The following ZDHHC9 variants were observed in gnomAD, a reference collection of about 807,000 sequenced individuals.
ZDHHC9 encodes the protein palmitoyltransferase ZDHHC9.
ZDHHC9 carries 3 observed loss-of-function variants against 26.6 expected under a neutral mutation model. That is an observed-to-expected ratio of 0.11 (90% CI 0.05 to 0.29). ZDHHC9 has a LOEUF of 0.29. Ranked by LOEUF, ZDHHC9 falls within the 10% of genes least tolerant of loss-of-function variation. ZDHHC9 has a pLI of 1.00. For missense variants in ZDHHC9, 146 were observed against 296.4 expected, an observed-to-expected ratio of 0.49 and a Z score of 3.73; for synonymous variants, 111 against 109.4, an observed-to-expected ratio of 1.01 and a Z score of -0.09.
intron 5 of ZDHHC9, among the ~76,000 whole-genome samples, chrX:129,821,888 C>T (rs1927896028): frequency 9.0e-6 from 1 of 110,647 alleles, no homozygotes; most frequent in Non-Finnish European, 1.9e-5. Flanking sequence ...TGCCACTGCA[C>T]TCCAGCCTGG....
At chrX:129,836,830 T>C (rs1928271829) in intron 3 of ZDHHC9, among the ~76,000 whole-genome samples, 1 of 111,858 alleles carries the variant, frequency 8.9e-6, no homozygotes, top group Admixed American at 9.5e-5. Flanking sequence ...GAGCATAAGC[T>C]TGGGAGACCC....
intron 6 of ZDHHC9, 68 bp from the exon 7 acceptor site, chrX:129,813,793 G>A: frequency 1.0e-6 from 1 of 985,054 alleles, no homozygotes; most frequent in Non-Finnish European, 1.4e-6. Context: ...CACTATCCTA[G>A]TGCCTACTCA....
rs1458539537 is a variant in ZDHHC9 at position 129,810,929 on chromosome X, A to G, written c.954T>C (p.Ser318=). ...CTGGGCTCTGTGGCAAGAGGCTGCT[A>G]CTGGTCTCTTGAGTACTGGGAGGTC... is the stretch of plus-strand genomic sequence containing the variant. ...GSRPPSTQET[S]SSLLPQSPAP... is the part of the protein sequence containing the mutation. Residue 318 remains serine, a synonymous_variant, in exon 10 of 11, where the codon AGT becomes AGC. Transcript: ENST00000357166. The G allele has an allele frequency of 5.8e-6, 7 of 1,209,158 alleles. No homozygotes were observed. In the Admixed American group the frequency reaches 1.5e-4, roughly 26 times the overall value.
At chrX:129,811,082 C>T (rs1311070789) in intron 9 of ZDHHC9, 81 bp from the exon 10 acceptor site, 9 of 866,088 alleles carry the variant, frequency 1.0e-5, no homozygotes, top group Non-Finnish European at 1.5e-5. Context: ...GCTGCATAGA[C>T]TGGAAAATAT....
At chrX:129,809,830 T>C (rs976501441) in intron 10 of ZDHHC9, among the ~76,000 whole-genome samples, 2 of 109,248 alleles carry the variant, frequency 1.8e-5, no homozygotes, top group African/African-American at 6.7e-5. Flanking sequence ...AAACCCCGTC[T>C]CTACTAAAAA....
chrX:129,828,208 A>G (rs975468138), intron 4 of ZDHHC9, among the ~76,000 whole-genome samples: 2 of 112,306 alleles, frequency 1.8e-5, no homozygotes, highest in African/African-American at 6.5e-5. Flanking sequence ...GTACATGTAC[A>G]TGCATATAAG....
chrX:129,827,861 G>A (rs1411992603), intron 4 of ZDHHC9, among the ~76,000 whole-genome samples: 2 of 111,793 alleles, frequency 1.8e-5, no homozygotes, highest in Non-Finnish European at 3.8e-5. Context: ...CTGTTGCCCA[G>A]GCTGGAGTGC....
chrX:129,820,648 T>A (rs1050590368), intron 5 of ZDHHC9, among the ~76,000 whole-genome samples: 1 of 111,674 alleles, frequency 9.0e-6, no homozygotes, highest in Non-Finnish European at 1.9e-5. Flanking sequence ...ACTAGCCAAT[T>A]ATATTGTTAT....
intron 5 of ZDHHC9, among the ~76,000 whole-genome samples, chrX:129,817,477 T>C (rs1216116449): frequency 9.0e-6 from 1 of 111,032 alleles, no homozygotes; most frequent in Non-Finnish European, 1.9e-5. Context: ...TATGGTAAAA[T>C]ATACATAACA....
At chrX:129,829,766 T>C (rs1478449067) in intron 3 of ZDHHC9, among the ~76,000 whole-genome samples, 1 of 111,486 alleles carries the variant, frequency 9.0e-6, no homozygotes, top group Non-Finnish European at 1.9e-5. Flanking sequence ...AAGAAAATCG[T>C]TTATCCTTAG....
chrX:129,805,764 A>ATCTCG lies in ZDHHC9; in HGVS notation c.*605_*606insCGAGA. Reference sequence around the variant, plus strand: ...GAAAAGAGTGGGGCTTAGGTGTCAGAGTGGATGGGAGACAAAGGAGAAGCT... The same window carrying ATCTCG: ...GAAAAGAGTGGGGCTTAGGTGTCAGATCTCGGTGGATGGGAGACAAAGGAGAAGCT... On this transcript the variant is annotated 3_prime_UTR_variant, in exon 11 of 11. Coordinates refer to ENST00000357166, the MANE Select transcript of ZDHHC9 (RefSeq NM_016032.4). 2 of 115,432 alleles carry ATCTCG rather than the reference A, an allele frequency of 1.7e-5. No homozygotes were observed. The highest frequency in any genetic ancestry group is 3.7e-5 in the Non-Finnish European group (2 of 54,538). The allele number at this position is 115,432 out of a possible 1,213,427, so 9.5% of individuals were successfully genotyped here.
intron 4 of ZDHHC9, among the ~76,000 whole-genome samples, chrX:129,824,234 G>A (rs1385722668): frequency 9.0e-6 from 1 of 111,490 alleles, no homozygotes; most frequent in African/African-American, 3.3e-5. Flanking sequence ...GCAAGGGTGG[G>A]GAAAGGTCAT....
intron 1 of ZDHHC9, 101 bp from the exon 2 acceptor site, chrX:129,843,427 G>T (rs1928431043): frequency 9.0e-6 from 1 of 111,683 alleles, no homozygotes; most frequent in Admixed American, 9.3e-5. Flanking sequence ...CCGCGGGCGC[G>T]GCCTCTCGAG....
At chrX:129,834,519 A>C (rs1282598134) in intron 3 of ZDHHC9, among the ~76,000 whole-genome samples, 1 of 112,276 alleles carries the variant, frequency 8.9e-6, no homozygotes, top group Non-Finnish European at 1.9e-5. Context: ...GTAGCAATAA[A>C]GAAAATTAAC....
intron 5 of ZDHHC9, among the ~76,000 whole-genome samples, chrX:129,820,086 C>T (rs1188971755): frequency 2.7e-5 from 3 of 111,134 alleles, no homozygotes; most frequent in South Asian, 3.8e-4. Flanking sequence ...TAAACATTTC[C>T]ACCCCGAAAT....
At chrX:129,815,963 G>A (rs928681079) in intron 5 of ZDHHC9, among the ~76,000 whole-genome samples, 1 of 111,660 alleles carries the variant, frequency 9.0e-6, no homozygotes, top group Non-Finnish European at 1.9e-5. Flanking sequence ...TCATTTGATT[G>A]TGGTAAGCAT....
rs753807510 is a variant in ZDHHC9, at chrX:129,806,452, G to A, written c.1013C>T (p.Pro338Leu). The stretch of plus-strand genomic sequence containing the variant: ...CTCTTCGGGAGTGCTGCTGTCCTCC[G>A]GCATCTCATTTGAGTTCAGGTGTTC... ...PTEHLNSNEMPEDSSTPEEMP... is the reference protein window; with the variant it reads ...PTEHLNSNEMLEDSSTPEEMP... Residue 338 changes from proline to leucine, a missense_variant, in exon 11 of 11, where the codon CCG (proline) becomes CTG (leucine). Transcript: ENST00000357166. 46 of 1,209,380 alleles carry A rather than the reference G, an allele frequency of 3.8e-5. No homozygotes were observed. Among genetic ancestry groups the A allele is most frequent in the Middle Eastern group, 2.3e-4 (1 of 4,339 alleles).
chrX:129,823,691 C>T lies in ZDHHC9; in HGVS notation c.475G>A (p.Asp159Asn). 8.2e-7 allele frequency: 1 copy of T among 1,212,471 alleles called. No individual in the cohort carries two copies. The highest frequency in any genetic ancestry group is 2.2e-5 in the Admixed American group (1 of 46,122). The part of the protein sequence containing the change: ...PPRASHCSIC[D>N]NCVERFDHHC... ...TAGTTTTACTCACCCACACAGTTGT[C>T]ACAGATGCTGCAATGGGAGGCCCGG... The change falls in exon 5 of 11, where the codon GAC becomes AAC. Residue 159 changes from aspartate to asparagine, a missense_variant. Physicochemically the swap from Asp to Asn is conservative, Grantham distance 23 (BLOSUM62 1). Transcript: ENST00000357166.
rs372086796 is a variant in ZDHHC9 at position 129,816,433 on chromosome X, G to GA, written c.488-1639dup. On this transcript the variant is annotated intron_variant, in intron 5 of 10. Transcript: ENST00000357166. ...GAACACACTGATACTGTATTTATTGGAAAAAAAAAACCCTCATTATTAAGT... is the reference window on the plus strand; with the variant it reads ...GAACACACTGATACTGTATTTATTGGAAAAAAAAAAACCCTCATTATTAAGT... Among the ~76,000 whole-genome samples the GA allele has an allele frequency of 6.5e-3, 670 of 103,337 alleles. 8 individuals are homozygous for GA. Among genetic ancestry groups the GA allele is most frequent in the African/African-American group, 0.022 (614 of 28,495 alleles). 89.7% of individuals were successfully genotyped at this position (103,337 alleles called of 115,157 possible). A position where few individuals can be genotyped will look rare whatever the true frequency, so the allele number is the denominator to read the frequency against.
Sources: allele counts gnomAD v4.1 joint callset (sites outside exome capture counted in the v4.1 genomes callset), GRCh38; gene constraint gnomAD v4.1.1; transcripts MANE v1.5; gene names NCBI Gene and HGNC (gene_info 2026-07-23, HGNC 2026-07-21).